The following SPATS2L variants were observed in gnomAD, a reference collection of about 807,000 sequenced individuals.
The protein encoded by SPATS2L is spermatogenesis associated serine rich 2 like.
In SPATS2L, 30 loss-of-function variants were observed where a neutral mutation model predicts 59.6. That is an observed-to-expected ratio of 0.50 (90% confidence interval 0.38 to 0.68). The LOEUF (loss-of-function observed/expected upper bound fraction) is 0.68. Ranked by LOEUF, SPATS2L falls within the 30% of genes least tolerant of loss-of-function variation. The pLI, the probability that SPATS2L is intolerant of heterozygous loss-of-function variation, is 0.00. For missense variants in SPATS2L, 615 were observed against 700.0 expected (o/e 0.88, Z 1.37); for synonymous variants, 252 against 263.5 (o/e 0.96, Z 0.42).
chr2:200,378,052 C>T (rs2081660640), intron 2 of SPATS2L: 1 of 165,438 alleles, frequency 6.0e-6, no homozygotes, highest in Non-Finnish European at 1.3e-5. Flanking sequence ...CTGGCATTCA[C>T]TAACAGGACC....
chr2:200,424,808 T>C (rs16833241), intron 6 of SPATS2L, among the ~76,000 whole-genome samples: 70,332 of 151,948 alleles, frequency 0.46, 16,497 homozygotes, highest in Admixed American at 0.51. Context: ...GGGCAGGGCT[T>C]TCCCTCTCTT....
intron 12 of SPATS2L, among the ~76,000 whole-genome samples, chr2:200,476,707 C>T (rs1484961512): frequency 6.6e-6 from 1 of 152,244 alleles, no homozygotes; most frequent in African/African-American, 2.4e-5. Context: ...TTACAATGCT[C>T]TTTTAGCTTT....
At position 200,343,372 on chromosome 2, in the gene SPATS2L, C is replaced by T. The variant is rs140431108; in HGVS notation, c.-23+13892C>T. 9.9e-4 allele frequency among the ~76,000 whole-genome samples: 150 copies of T among 152,282 alleles called. No individual in the cohort carries two copies. In the Middle Eastern group the frequency reaches 0.01, roughly 10 times the overall value. On this transcript the variant is annotated intron_variant, in intron 2 of 12. Transcript: ENST00000409140. ...AATCGATTAAGGTGTCTGTAGTTAA[C>T]ATTCATCAGAATTATGGATACAAGC...
chr2:200,308,483 A>G (rs935297168), intron 1 of SPATS2L, among the ~76,000 whole-genome samples: 2 of 152,206 alleles, frequency 1.3e-5, no homozygotes. Context: ...CAAGGCAAAT[A>G]CTGCAGTTTC....
At position 200,306,932 on chromosome 2, in the gene SPATS2L, G is replaced by C. The variant is rs2079034640; in HGVS notation, c.-73+10G>C. On this transcript the variant is annotated intron_variant, in intron 1 of 12. Coordinates refer to ENST00000409140, the MANE Select transcript of SPATS2L (RefSeq NM_001100423.2). Reference sequence around the variant, plus strand: ...GGCGCTCGACACAGAGGTAAGCCCAGGACCCCCTCCACGCCGGGCCGGCTG... The same window carrying C: ...GGCGCTCGACACAGAGGTAAGCCCACGACCCCCTCCACGCCGGGCCGGCTG... 4.1e-6 allele frequency: 4 copies of C among 982,596 alleles called. No homozygotes were observed. Among genetic ancestry groups the C allele is most frequent in the Non-Finnish European group, 4.8e-6 (4 of 828,848 alleles). The allele number at this position is 982,596 out of a possible 1,614,324, so 60.9% of individuals were successfully genotyped here.
At chr2:200,438,875 AG>A (rs2084487503) in intron 6 of SPATS2L, among the ~76,000 whole-genome samples, 1 of 152,184 alleles carries the variant, frequency 6.6e-6, no homozygotes, top group Admixed American at 6.5e-5. Context: ...AGAGATGCCC[AG>A]GGTCACTCTG....
At chr2:200,436,671 A>G (rs1011432980) in intron 6 of SPATS2L, among the ~76,000 whole-genome samples, 4 of 152,210 alleles carry the variant, frequency 2.6e-5, no homozygotes, top group African/African-American at 9.6e-5. Flanking sequence ...TTTCATTACA[A>G]TAATTTTTTC....
rs2087736016 is a variant in SPATS2L at position 200,479,842 on chromosome 2, T to C, written c.*1811T>C. The C allele has an allele frequency of 2.5e-6, 1 of 398,024 alleles. No individual in the cohort carries two copies. Among genetic ancestry groups the C allele is most frequent in the African/African-American group, 2.1e-5 (1 of 48,608 alleles). The allele number at this position is 398,024 out of a possible 1,614,324, so 24.7% of individuals were successfully genotyped here. A position where few individuals can be genotyped will look rare whatever the true frequency, so the allele number is the denominator to read the frequency against. On this transcript the variant is annotated 3_prime_UTR_variant, in exon 13 of 13. Coordinates refer to ENST00000409140, the MANE Select transcript of SPATS2L (RefSeq NM_001100423.2). ...TTGCCAAGTACAGGAGGATGTTTGC[T>C]CTCTCTGTAGAGAGCTTTCTGAGGT...
intron 9 of SPATS2L, among the ~76,000 whole-genome samples, chr2:200,464,922 A>G (rs570803059): frequency 2.6e-4 from 40 of 152,356 alleles, no homozygotes; most frequent in Non-Finnish European, 4.9e-4. Flanking sequence ...AACCAATCAA[A>G]GGTGTGGATC....
Position 200,480,471 on chromosome 2 carries a change from G to A in SPATS2L, c.*2440G>A, listed in dbSNP as rs1574784762. The A allele has an allele frequency of 6.6e-6, 1 of 151,490 alleles. No individual in the cohort carries two copies. Among genetic ancestry groups the A allele is most frequent in the African/African-American group, 2.4e-5 (1 of 41,114 alleles). The allele number at this position is 151,490 out of a possible 1,614,324, so 9.4% of individuals were successfully genotyped here. The stretch of plus-strand genomic sequence containing the variant: ...GGCTCACTATAGCCTTGAACTCCTG[G>A]GCTCAAGCCATCCTCAGCCTCCCAA... On this transcript the variant is annotated 3_prime_UTR_variant, in exon 13 of 13. Transcript: ENST00000409140.
chr2:200,367,376 G>GA (rs2081297444), intron 2 of SPATS2L, among the ~76,000 whole-genome samples: 1 of 152,150 alleles, frequency 6.6e-6, no homozygotes, highest in Admixed American at 6.6e-5. Flanking sequence ...CGTGTGGACA[G>GA]AACACAGTCT....
chr2:200,459,125 A>G (rs1034167683), intron 8 of SPATS2L, among the ~76,000 whole-genome samples: 1 of 152,234 alleles, frequency 6.6e-6, no homozygotes. Context: ...AAACTTTGGG[A>G]CAGATCATTG....
In SPATS2L at chr2:200,470,186, A is replaced by G. The variant is rs77306057; in HGVS notation, c.1060+170A>G. On this transcript the variant is annotated intron_variant, in intron 11 of 12. Transcript: ENST00000409140. The stretch of plus-strand genomic sequence containing the variant: ...AGTCACCAGAAATGTCGAGATTTGA[A>G]CCTAGAGTCTTCAAATGCCACTGCC... 8.0e-3 allele frequency among the ~76,000 whole-genome samples: 1,219 copies of G among 152,326 alleles called. 19 individuals carry two copies. The highest frequency in any genetic ancestry group is 0.028 in the African/African-American group (1,161 of 41,564).
rs777089153 is a variant in SPATS2L at position 200,467,337 on chromosome 2, C to G, written c.895C>G (p.Leu299Val). The change falls in exon 10 of 13, where the codon CTC (leucine) becomes GTC (valine). Residue 299 changes from leucine (L) to valine (V), a missense_variant. Transcript: ENST00000409140. ...GAAGAAAGCAGAAGAACTAAAGAGA[C>G]TCACTGACCTTGCCAGTCAGATGGC... is the stretch of plus-strand genomic sequence containing the variant. ...RQKKAEELKR[L>V]TDLASQMAEM... The G allele has an allele frequency of 6.2e-7, 1 of 1,614,032 alleles. No homozygotes were observed. The highest frequency in any genetic ancestry group is 1.1e-5 in the South Asian group (1 of 91,086).
At chr2:200,329,916 C>T (rs2079879307) in intron 2 of SPATS2L, among the ~76,000 whole-genome samples, 1 of 152,196 alleles carries the variant, frequency 6.6e-6, no homozygotes, top group Non-Finnish European at 1.5e-5. Flanking sequence ...TCTCACTGTC[C>T]TTCTTATTGA....
intron 2 of SPATS2L, among the ~76,000 whole-genome samples, chr2:200,346,958 A>G (rs1343689033): frequency 6.6e-6 from 1 of 152,196 alleles, no homozygotes; most frequent in African/African-American, 2.4e-5. Flanking sequence ...TTTTAATTGT[A>G]GTTACATTAT....
chr2:200,321,004 A>T (rs975690382), intron 1 of SPATS2L, among the ~76,000 whole-genome samples: 10 of 152,162 alleles, frequency 6.6e-5, no homozygotes, highest in Non-Finnish European at 1.5e-4. Flanking sequence ...TTTTGAAAAA[A>T]AATCTGATGT....
chr2:200,375,025 C>T (rs1278160916), intron 2 of SPATS2L, among the ~76,000 whole-genome samples: 4 of 152,186 alleles, frequency 2.6e-5, no homozygotes, highest in African/African-American at 4.8e-5. Context: ...GAACTTCCCC[C>T]AGTGTGAGTT....
At chr2:200,312,627 C>T (rs903055169) in intron 1 of SPATS2L, among the ~76,000 whole-genome samples, 7 of 152,164 alleles carry the variant, frequency 4.6e-5, no homozygotes, top group Admixed American at 2.0e-4. Context: ...AGTACATGCT[C>T]CTATTACTCC....
Sources: allele counts gnomAD v4.1 joint callset (sites outside exome capture counted in the v4.1 genomes callset), GRCh38; gene constraint gnomAD v4.1.1; transcripts MANE v1.5; gene names NCBI Gene and HGNC (gene_info 2026-07-23, HGNC 2026-07-21).